The following GALNT17 variants were observed in gnomAD, a reference collection of about 807,000 sequenced individuals.
The protein encoded by GALNT17 is UDP-GalNAc:polypeptide N-acetylgalactosaminyltransferase-like 3.
In GALNT17, 29 loss-of-function variants were observed where a neutral mutation model predicts 63.7. That is an observed-to-expected ratio of 0.46 (90% CI 0.34 to 0.62). GALNT17 has a LOEUF of 0.62. GALNT17 is among the 20% of genes least tolerant of loss of function. GALNT17 has a pLI of 0.01. For missense variants in GALNT17, 603 were observed against 799.6 expected, an observed-to-expected ratio of 0.75 and a Z score of 2.97; for synonymous variants, 305 against 318.3, an observed-to-expected ratio of 0.96 and a Z score of 0.45.
chr7:71,239,741 A>T (rs746622471), intron 1 of GALNT17, among the ~76,000 whole-genome samples: 11 of 152,214 alleles, frequency 7.2e-5, no homozygotes, highest in Non-Finnish European at 1.5e-4. Flanking sequence ...GACACAGACA[A>T]GCTGGGACAT....
chr7:71,199,388 G>A (rs919037598), intron 1 of GALNT17, among the ~76,000 whole-genome samples: 1 of 152,054 alleles, frequency 6.6e-6, no homozygotes, highest in African/African-American at 2.4e-5. Flanking sequence ...TTGTGGATTA[G>A]GATTTCTAAC....
chr7:71,169,670 C>T (rs371949090), intron 1 of GALNT17, among the ~76,000 whole-genome samples: 1 of 152,294 alleles, frequency 6.6e-6, no homozygotes, highest in East Asian at 1.9e-4. Flanking sequence ...ATCCTCCCAC[C>T]TCAGCCTCCA....
At chr7:71,151,892 TA>T (rs538555338) in intron 1 of GALNT17, among the ~76,000 whole-genome samples, 101 of 152,244 alleles carry the variant, frequency 6.6e-4, no homozygotes, top group Non-Finnish European at 1.1e-3. Flanking sequence ...CATTAGCAAT[TA>T]AAAAAATCAT....
intron 1 of GALNT17, among the ~76,000 whole-genome samples, chr7:71,224,921 A>G (rs1297963740): frequency 3.3e-5 from 5 of 152,096 alleles, no homozygotes; most frequent in Admixed American, 6.5e-5. Context: ...GTTGAAACCA[A>G]TCTATATTGG....
chr7:71,339,782 G>A (rs762880190), intron 2 of GALNT17, among the ~76,000 whole-genome samples: 2 of 152,070 alleles, frequency 1.3e-5, no homozygotes, highest in Admixed American at 6.6e-5. Context: ...TGGGTATGAC[G>A]TGGCATACTC....
At chr7:71,440,193 A>G (rs910730495) in intron 5 of GALNT17, among the ~76,000 whole-genome samples, 2 of 151,726 alleles carry the variant, frequency 1.3e-5, no homozygotes, top group African/African-American at 2.4e-5. Flanking sequence ...GCCCTCTTAC[A>G]TATCTTTCTT....
intron 1 of GALNT17, among the ~76,000 whole-genome samples, chr7:71,151,312 C>T (rs924540565): frequency 2.6e-5 from 4 of 152,232 alleles, no homozygotes; most frequent in Admixed American, 1.3e-4. Context: ...TGTGCTTGAC[C>T]TGCTATTGGA....
chr7:71,591,648 A>ATTGT (rs369221190), intron 6 of GALNT17, among the ~76,000 whole-genome samples: 7 of 151,116 alleles, frequency 4.6e-5, no homozygotes, highest in Non-Finnish European at 8.8e-5. Context: ...GTCACTGTTG[A>ATTGT]TTGTTTGTTT....
intron 5 of GALNT17, among the ~76,000 whole-genome samples, chr7:71,482,596 G>A (rs183052812): frequency 5.9e-5 from 9 of 152,282 alleles, no homozygotes; most frequent in African/African-American, 2.2e-4. Context: ...ACAAGAACCT[G>A]TAGAGCACGT....
At chr7:71,150,413 T>C (rs1475536085) in intron 1 of GALNT17, among the ~76,000 whole-genome samples, 1 of 152,056 alleles carries the variant, frequency 6.6e-6, no homozygotes, top group African/African-American at 2.4e-5. Context: ...TTCAGGGCAA[T>C]GAGAGGTAGA....
intron 1 of GALNT17, among the ~76,000 whole-genome samples, chr7:71,332,678 TTTG>T (rs1188886520): frequency 9.5e-6 from 1 of 104,868 alleles, no homozygotes; most frequent in Admixed American, 9.5e-5. Flanking sequence ...TTTGTTTGTT[TTTG>T]TTTGTTTGTT....
At chr7:71,133,593 TC>T (rs1391079298) in intron 1 of GALNT17, among the ~76,000 whole-genome samples, 1 of 152,156 alleles carries the variant, frequency 6.6e-6, no homozygotes, top group Admixed American at 6.5e-5. Flanking sequence ...ACTCCTCCCT[TC>T]CTGCCGCCTG....
intron 1 of GALNT17, among the ~76,000 whole-genome samples, chr7:71,314,222 A>G (rs1208978033): frequency 6.6e-6 from 1 of 151,874 alleles, no homozygotes; most frequent in Non-Finnish European, 1.5e-5. Context: ...ACTCCCCAAA[A>G]CCAGAATATT....
intron 1 of GALNT17, among the ~76,000 whole-genome samples, chr7:71,273,425 C>T (rs961980139): frequency 2.6e-5 from 4 of 152,186 alleles, no homozygotes; most frequent in African/African-American, 9.7e-5. Context: ...AATGAAATAT[C>T]GGCTAGATTA....
Position 71,677,310 on chromosome 7 carries a change from G to C in GALNT17, c.1500+4G>C. Reference sequence around the variant, plus strand: ...GTGCCATGGCTGGGGACCACAGGTAGGAGCTCGTCTCTGACCAGGAAGGAA... The same window carrying C: ...GTGCCATGGCTGGGGACCACAGGTACGAGCTCGTCTCTGACCAGGAAGGAA... On this transcript the variant is annotated splice_donor_region_variant and intron_variant, in intron 9 of 10. Coordinates refer to ENST00000333538, the MANE Select transcript of GALNT17 (RefSeq NM_022479.3). The C allele has an allele frequency of 1.2e-6, 2 of 1,613,262 alleles. No individual in the cohort carries two copies. The highest frequency in any genetic ancestry group is 1.7e-6 in the Non-Finnish European group (2 of 1,179,540).
intron 1 of GALNT17, among the ~76,000 whole-genome samples, chr7:71,268,079 A>G (rs1790523046): frequency 2.0e-5 from 3 of 152,156 alleles, no homozygotes; most frequent in Admixed American, 2.0e-4. Context: ...AGGACCTACC[A>G]AGGGATTCAC....
intron 2 of GALNT17, among the ~76,000 whole-genome samples, chr7:71,382,462 G>A (rs1179605548): frequency 2.0e-5 from 3 of 152,184 alleles, no homozygotes; most frequent in Non-Finnish European, 4.4e-5. Context: ...TTGGGACTAC[G>A]AGGCTGGAGA....
At chr7:71,447,085 A>G (rs540262023) in intron 5 of GALNT17, among the ~76,000 whole-genome samples, 3 of 152,312 alleles carry the variant, frequency 2.0e-5, no homozygotes, top group South Asian at 2.1e-4. Context: ...CTGATTCTCA[A>G]CACTGGGTTT....
chr7:71,312,607 G>A (rs1314841905), intron 1 of GALNT17, among the ~76,000 whole-genome samples: 1 of 152,092 alleles, frequency 6.6e-6, no homozygotes, highest in African/African-American at 2.4e-5. Flanking sequence ...ATGCTCCTGG[G>A]TTTGCAGGTA....
Sources: gnomAD v4.1 joint callset for allele counts (sites outside exome capture counted in the v4.1 genomes callset) on GRCh38, gnomAD v4.1.1 for gene constraint, MANE v1.5 for transcripts, NCBI Gene and HGNC (gene_info 2026-07-23, HGNC 2026-07-21) for gene names.